Variants in KLRD1 observed in about 807,000 individuals in gnomAD.
The protein encoded by KLRD1 is killer cell lectin like receptor D1.
Under a neutral mutation model 22.6 loss-of-function variants are expected in KLRD1, and 21 were observed. The ratio of observed to expected loss-of-function variants is 0.93; its 90% CI spans 0.66 to 1.34. KLRD1 has a LOEUF of 1.34. Among genes scored for constraint, KLRD1 ranks in the 40% most tolerant of loss-of-function variants. The pLI, the probability that KLRD1 is intolerant of heterozygous loss-of-function variation, is 0.00. For missense variants in KLRD1, 183 were observed against 208.6 expected, an observed-to-expected ratio of 0.88 and a Z score of 0.76; for synonymous variants, 59 against 71.1, an observed-to-expected ratio of 0.83 and a Z score of 0.85.
chr12:10,306,013 CA>C (rs375861287), upstream of KLRD1, among the ~76,000 whole-genome samples: 261 of 150,880 alleles, frequency 1.7e-3, 5 homozygotes, highest in East Asian at 0.048. Flanking sequence ...AAAAAAAATA[CA>C]AAAAATTAGC....
intron 1 of KLRD1, chr12:10,309,101 T>G (rs1949992245): frequency 3.7e-6 from 1 of 266,762 alleles, no homozygotes; most frequent in South Asian, 8.3e-5. Context: ...CTCCAGATCT[T>G]TAAGCACCTC....
chr12:10,314,996 AT>A lies in KLRD1; in HGVS notation c.*205del. The A allele has an allele frequency of 2.5e-6, 1 of 400,782 alleles. No individual in the cohort carries two copies. The highest frequency in any genetic ancestry group is 4.4e-6 in the Non-Finnish European group (1 of 229,428). 24.8% of individuals were successfully genotyped at this position (400,782 alleles called of 1,614,324 possible). The stretch of plus-strand genomic sequence containing the variant: ...TTCACCTACATTTGAGAATTATAAA[AT>A]TAACATAAAGAATTTTGTATTTTCA... On this transcript the variant is annotated 3_prime_UTR_variant, in exon 6 of 6. Coordinates refer to ENST00000336164, the MANE Select transcript of KLRD1 (RefSeq NM_002262.5).
rs368773386 is a variant in KLRD1, at chr12:10,324,808, G to A, written c.*10015G>A. ...TAAAATTGTAAGTATATATGTATAT[G>A]TGTGTGTGTGTATATATATATATAT... is the stretch of plus-strand genomic sequence containing the variant. On this transcript the variant is annotated 3_prime_UTR_variant, in exon 6 of 6. Transcript: ENST00000336164. The A allele has an allele frequency of 0.024, 770 of 31,614 alleles. 9 individuals are homozygous for A. The highest frequency in any genetic ancestry group is 0.043 in the African/African-American group (733 of 16,860). 2.0% of individuals were successfully genotyped at this position (31,614 alleles called of 1,614,324 possible). A position where few individuals can be genotyped will look rare whatever the true frequency, so the allele number is the denominator to read the frequency against.
chr12:10,254,242 C>G (rs1228546595), intron 1 of KLRD1, among the ~76,000 whole-genome samples: 1 of 151,452 alleles, frequency 6.6e-6, no homozygotes, highest in Non-Finnish European at 1.5e-5. Flanking sequence ...TTCTGGGTAA[C>G]GTGGTGAAAC....
At chr12:10,239,116 C>T (rs1270505692) in intron 1 of KLRD1, among the ~76,000 whole-genome samples, 1 of 152,138 alleles carries the variant, frequency 6.6e-6, no homozygotes, top group Non-Finnish European at 1.5e-5. Flanking sequence ...ACTGTTTTAG[C>T]TTAATTTAAC....
At position 10,325,971 on chromosome 12, in the gene KLRD1, C is replaced by T. The variant is rs993034466; in HGVS notation, c.*11178C>T. On this transcript the variant is annotated 3_prime_UTR_variant, in exon 6 of 6. Transcript: ENST00000336164. ...TAATTACCCCACGTACTTCTCAACACTTGTCTTTCATTTGTTTGATAATAG... is the reference window on the plus strand; with the variant it reads ...TAATTACCCCACGTACTTCTCAACATTTGTCTTTCATTTGTTTGATAATAG... 1 of 152,148 alleles carries T rather than the reference C, an allele frequency of 6.6e-6. No individual in the cohort carries two copies. The highest frequency in any genetic ancestry group is 2.4e-5 in the African/African-American group (1 of 41,414). The allele number at this position is 152,148 out of a possible 1,614,324, so 9.4% of individuals were successfully genotyped here. A position where few individuals can be genotyped will look rare whatever the true frequency, so the allele number is the denominator to read the frequency against.
At chr12:10,302,380 T>C (rs78440293), upstream of KLRD1, among the ~76,000 whole-genome samples, 1 of 152,344 alleles carries the variant, frequency 6.6e-6, no homozygotes, top group Non-Finnish European at 1.5e-5. Context: ...AGGGAAGTGC[T>C]GATGTCAGTG....
intron 5 of KLRD1, 116 bp from the exon 6 acceptor site, chr12:10,314,557 T>C (rs1254388799): frequency 2.4e-6 from 2 of 846,964 alleles, no homozygotes; most frequent in Non-Finnish European, 3.4e-6. Flanking sequence ...AAAAAAGGAC[T>C]CAATATGTTA....
chr12:10,316,396 T>G lies in KLRD1; in HGVS notation c.*1603T>G, dbSNP rs1177367650. On this transcript the variant is annotated 3_prime_UTR_variant, in exon 6 of 6. Coordinates refer to ENST00000336164, the MANE Select transcript of KLRD1 (RefSeq NM_002262.5). ...ATAGTTTATGCCACTTATTTTATTT[T>G]TTACTTTTATTATTTTTTTTTCTGA... 6.6e-6 allele frequency: 1 copy of G among 151,000 alleles called. No individual in the cohort carries two copies. The highest frequency in any genetic ancestry group is 1.5e-5 in the Non-Finnish European group (1 of 68,034). 9.4% of individuals were successfully genotyped at this position (151,000 alleles called of 1,614,324 possible). A position where few individuals can be genotyped will look rare whatever the true frequency, so the allele number is the denominator to read the frequency against.
Position 10,323,670 on chromosome 12 carries a change from T to C in KLRD1, c.*8877T>C, listed in dbSNP as rs1950331386. ...ATCCTTTCCCCTATGTATAAAATACTTCCTCTTGCTCCTCCCCTCACAGAT... is the reference window on the plus strand; with the variant it reads ...ATCCTTTCCCCTATGTATAAAATACCTCCTCTTGCTCCTCCCCTCACAGAT... On this transcript the variant is annotated 3_prime_UTR_variant, in exon 6 of 6. Transcript: ENST00000336164. 6.6e-6 allele frequency: 1 copy of C among 152,084 alleles called. No individual in the cohort carries two copies. The highest frequency in any genetic ancestry group is 2.4e-5 in the African/African-American group (1 of 41,426). The allele number at this position is 152,084 out of a possible 1,614,324, so 9.4% of individuals were successfully genotyped here.
intron 1 of KLRD1, among the ~76,000 whole-genome samples, chr12:10,283,062 G>A (rs966741115): frequency 1.1e-4 from 16 of 152,238 alleles, no homozygotes; most frequent in African/African-American, 3.9e-4. Context: ...GTTAACAGAG[G>A]AGGGTATTTA....
In KLRD1 at chr12:10,282,083, TAAA is replaced by T. The variant is rs200031292; in HGVS notation, c.-100-25894_-100-25892del. Among the ~76,000 whole-genome samples, 594 of 152,316 alleles carry T rather than the reference TAAA, an allele frequency of 3.9e-3. 15 individuals are homozygous for T. The East Asian group carries it at 0.067, about 17-fold the overall frequency. ...TTTATCATTTTTGTGAATTTGAGAA[TAAA>T]GTACTCTGATCGTTATATGTCACTC... On this transcript the variant is annotated intron_variant, in intron 1 of 5. Coordinates refer to the KLRD1 transcript ENST00000544747.
At chr12:10,254,431 CAAAA>C (rs71300165) in intron 1 of KLRD1, among the ~76,000 whole-genome samples, 6 of 86,976 alleles carry the variant, frequency 6.9e-5, no homozygotes, top group Non-Finnish European at 1.0e-4. Flanking sequence ...CACTCCGTCT[CAAAA>C]AAAAAAAAAA....
At chr12:10,312,843 C>T (rs1043906045) in intron 4 of KLRD1, among the ~76,000 whole-genome samples, 5 of 151,042 alleles carry the variant, frequency 3.3e-5, no homozygotes, top group South Asian at 2.1e-4. Flanking sequence ...AAAAATTAGC[C>T]GGGCGTGGTG....
At chr12:10,239,545 T>C (rs1949220454) in intron 1 of KLRD1, among the ~76,000 whole-genome samples, 1 of 122,162 alleles carries the variant, frequency 8.2e-6, no homozygotes, top group Non-Finnish European at 1.6e-5. Context: ...CTTTCTTTCT[T>C]TCTTTCTTTC....
At chr12:10,301,197 C>A (rs2137676752), upstream of KLRD1, among the ~76,000 whole-genome samples, 1 of 152,284 alleles carries the variant, frequency 6.6e-6, no homozygotes, top group South Asian at 2.1e-4. Context: ...TCTGTGTAGC[C>A]ATTTGTAGCT....
intron 1 of KLRD1, among the ~76,000 whole-genome samples, chr12:10,272,114 A>T (rs1185083157): frequency 2.0e-5 from 3 of 152,194 alleles, no homozygotes; most frequent in Non-Finnish European, 2.9e-5. Flanking sequence ...AGAAATATTC[A>T]AATTAATTTA....
At chr12:10,307,728 C>A, upstream of KLRD1, 1 of 195,942 alleles carries the variant, frequency 5.1e-6, no homozygotes. Flanking sequence ...CAATAAAAAA[C>A]AAAACAGCAA....
chr12:10,255,815 G>C (rs890809028), intron 1 of KLRD1, among the ~76,000 whole-genome samples: 11 of 152,098 alleles, frequency 7.2e-5, no homozygotes, highest in African/African-American at 2.7e-4. Flanking sequence ...GCTGCTGTTG[G>C]TTGGAATATT....
Sources: gnomAD v4.1 joint callset for allele counts (sites outside exome capture counted in the v4.1 genomes callset) on GRCh38, gnomAD v4.1.1 for gene constraint, MANE v1.5 for transcripts, NCBI Gene and HGNC (gene_info 2026-07-23, HGNC 2026-07-21) for gene names.